Variants in CDH6 observed in about 807,000 individuals in gnomAD.
CDH6 encodes cadherin 6.
CDH6 carries 31 observed loss-of-function variants against 78.0 expected under a neutral mutation model. That is an observed-to-expected ratio of 0.40 (90% CI 0.30 to 0.54). The LOEUF (loss-of-function observed/expected upper bound fraction) is 0.54. Ranked by LOEUF, CDH6 falls within the 20% of genes least tolerant of loss-of-function variation. CDH6 has a pLI of 0.56. For synonymous variants in CDH6, 376 were observed against 368.8 expected (o/e 1.02, Z -0.23); for missense variants, 724 against 975.9 (o/e 0.74, Z 3.44).
chr5:31,284,286 G>A (rs1742951888), intron 2 of CDH6, among the ~76,000 whole-genome samples: 1 of 152,194 alleles, frequency 6.6e-6, no homozygotes, highest in Admixed American at 6.5e-5. Context: ...GTTTGTACTA[G>A]GAATTGGCCC....
intron 1 of CDH6, among the ~76,000 whole-genome samples, chr5:31,224,418 A>T (rs1003728142): frequency 6.6e-6 from 1 of 152,196 alleles, no homozygotes; most frequent in Non-Finnish European, 1.5e-5. Flanking sequence ...GACATGGATG[A>T]TTTTTATCCC....
Position 31,312,568 on chromosome 5 carries a change from G to A in CDH6, c.1254-750G>A, listed in dbSNP as rs552398684. Among the ~76,000 whole-genome samples, 4 of 152,288 alleles carry A rather than the reference G, an allele frequency of 2.6e-5. No homozygotes were observed. The East Asian group carries it at 7.7e-4, about 29-fold the overall frequency. On this transcript the variant is annotated intron_variant, in intron 7 of 11. Coordinates refer to ENST00000265071, the MANE Select transcript of CDH6 (RefSeq NM_004932.4). The stretch of plus-strand genomic sequence containing the variant: ...TAGCAGGGCATGGTGACACGCACCT[G>A]TGGTCCCAGCTACTCTGGAGGCTAA...
At chr5:31,276,250 A>G (rs1742690711) in intron 2 of CDH6, among the ~76,000 whole-genome samples, 1 of 152,212 alleles carries the variant, frequency 6.6e-6, no homozygotes, top group African/African-American at 2.4e-5. Context: ...AATTATCAAT[A>G]CATAAGTAAA....
At chr5:31,265,209 A>C (rs1742307494) in intron 1 of CDH6, among the ~76,000 whole-genome samples, 1 of 152,212 alleles carries the variant, frequency 6.6e-6, no homozygotes. Context: ...GCTTTTCTCC[A>C]TATGCACTCT....
chr5:31,304,453 G>A (rs781488919), intron 6 of CDH6, among the ~76,000 whole-genome samples: 16 of 152,170 alleles, frequency 1.1e-4, no homozygotes, highest in Non-Finnish European at 1.9e-4. Context: ...TTGGGAGGCC[G>A]AGGCAGGTGG....
chr5:31,209,745 G>A (rs534211529), intron 1 of CDH6, among the ~76,000 whole-genome samples: 2 of 152,184 alleles, frequency 1.3e-5, no homozygotes, highest in African/African-American at 4.8e-5. Context: ...GGCTGCAATC[G>A]ATCTGTTAGA....
At chr5:31,206,941 A>G (rs970778752) in intron 1 of CDH6, among the ~76,000 whole-genome samples, 1 of 152,088 alleles carries the variant, frequency 6.6e-6, no homozygotes, top group Non-Finnish European at 1.5e-5. Flanking sequence ...ATGCCTCAGA[A>G]TATTTTCTTG....
At chr5:31,199,105 G>A (rs1228803545) in intron 1 of CDH6, among the ~76,000 whole-genome samples, 2 of 151,798 alleles carry the variant, frequency 1.3e-5, no homozygotes, top group African/African-American at 2.4e-5. Context: ...TAATAATATA[G>A]ACCAAGTATT....
At chr5:31,292,633 C>G (rs1579889758) in intron 2 of CDH6, among the ~76,000 whole-genome samples, 3 of 151,900 alleles carry the variant, frequency 2.0e-5, no homozygotes, top group Non-Finnish European at 4.4e-5. Flanking sequence ...ACTAACTTCT[C>G]TATATACCAT....
At chr5:31,295,605 A>G (rs1346287212) in intron 3 of CDH6, among the ~76,000 whole-genome samples, 1 of 152,142 alleles carries the variant, frequency 6.6e-6, no homozygotes. Flanking sequence ...TTGATATCTC[A>G]TTATTGTGAT....
chr5:31,299,669 T>C (rs1326285908), intron 5 of CDH6, 38 bp downstream of exon 5: 1 of 1,550,966 alleles, frequency 6.4e-7, no homozygotes, highest in South Asian at 1.1e-5. Flanking sequence ...TTCAATGTGC[T>C]TTTATAAAAC....
chr5:31,287,704 C>T (rs1743046883), intron 2 of CDH6, among the ~76,000 whole-genome samples: 2 of 152,146 alleles, frequency 1.3e-5, no homozygotes, highest in Non-Finnish European at 1.5e-5. Flanking sequence ...AACTTGAGCA[C>T]TCATCAGAAC....
chr5:31,199,091 AC>A (rs1326320246), intron 1 of CDH6, among the ~76,000 whole-genome samples: 5 of 152,058 alleles, frequency 3.3e-5, no homozygotes, highest in Admixed American at 2.0e-4. Flanking sequence ...TCCAAAGTAT[AC>A]AGTAATAATA....
intron 1 of CDH6, chr5:31,251,912 AT>A (rs1254351716): frequency 6.6e-6 from 1 of 152,220 alleles, no homozygotes; most frequent in African/African-American, 2.4e-5. Context: ...TCAGAAGTTT[AT>A]AAAAAATTCC....
intron 1 of CDH6, among the ~76,000 whole-genome samples, chr5:31,195,352 C>T (rs1359150311): frequency 6.6e-6 from 1 of 152,160 alleles, no homozygotes. Flanking sequence ...AGGGATATGC[C>T]TAGTTAATGT....
intron 3 of CDH6, among the ~76,000 whole-genome samples, chr5:31,295,246 G>T (rs917593749): frequency 6.6e-6 from 1 of 152,180 alleles, no homozygotes; most frequent in African/African-American, 2.4e-5. Context: ...AGAGGGAGAT[G>T]ACTGGAATTT....
At chr5:31,224,769 C>A (rs1016145643) in intron 1 of CDH6, among the ~76,000 whole-genome samples, 3 of 152,172 alleles carry the variant, frequency 2.0e-5, no homozygotes, top group Non-Finnish European at 4.4e-5. Context: ...GTCTCAAACT[C>A]TTGGGCTCAA....
At chr5:31,224,135 TATGGCTGGAGAAGCCTCACAATC>T (rs1200890149) in intron 1 of CDH6, among the ~76,000 whole-genome samples, 4 of 152,210 alleles carry the variant, frequency 2.6e-5, no homozygotes, top group Admixed American at 1.3e-4. Context: ...TACAGCTCCA[TATGGCTGGAGAAGCCTCACAATC>T]ATGGCTGAAG....
intron 2 of CDH6, among the ~76,000 whole-genome samples, chr5:31,282,155 C>G (rs1742881273): frequency 1.3e-5 from 2 of 152,054 alleles, no homozygotes; most frequent in South Asian, 4.1e-4. Flanking sequence ...AACAAGTCAC[C>G]ACAGATTTGT....
Sources: gnomAD v4.1 joint callset for allele counts (sites outside exome capture counted in the v4.1 genomes callset) on GRCh38, gnomAD v4.1.1 for gene constraint, MANE v1.5 for transcripts, NCBI Gene and HGNC (gene_info 2026-07-23, HGNC 2026-07-21) for gene names.